COP1: variants seen among roughly 807,000 people sequenced by gnomAD.
COP1 encodes the protein COP1 E3 ubiquitin ligase.
Under a neutral mutation model 101.3 loss-of-function variants are expected in COP1, and 24 were observed. The ratio of observed to expected loss-of-function variants is 0.24; its 90% CI spans 0.17 to 0.33. The LOEUF (loss-of-function observed/expected upper bound fraction) is 0.33. Ranked by LOEUF, COP1 falls within the 10% of genes least tolerant of loss-of-function variation. The pLI is 1.00. For synonymous variants in COP1, 347 were observed against 341.9 expected (o/e 1.01, Z -0.17); for missense variants, 663 against 906.2 (o/e 0.73, Z 3.45).
chr1:176,198,763 A>G (rs1437358338), intron 1 of COP1, among the ~76,000 whole-genome samples: 2 of 152,206 alleles, frequency 1.3e-5, no homozygotes, highest in Non-Finnish European at 2.9e-5. Flanking sequence ...TTACAACGCA[A>G]GATGACATGC....
chr1:176,030,672 A>G (rs535238712), intron 14 of COP1, among the ~76,000 whole-genome samples: 2 of 152,338 alleles, frequency 1.3e-5, no homozygotes, highest in East Asian at 1.9e-4. Flanking sequence ...CTGAGCTACA[A>G]GGGTAACTAA....
At chr1:176,161,146 G>T (rs1694254196) in intron 5 of COP1, among the ~76,000 whole-genome samples, 1 of 152,000 alleles carries the variant, frequency 6.6e-6, no homozygotes, top group South Asian at 2.1e-4. Context: ...GTTACCTTTT[G>T]TCCATCTGTT....
chr1:176,136,397 C>A, intron 7 of COP1, 91 bp downstream of exon 7: 1 of 782,874 alleles, frequency 1.3e-6, no homozygotes, highest in Non-Finnish European at 2.1e-6. Flanking sequence ...AAGACCAATC[C>A]CATAAACTTA....
intron 15 of COP1, among the ~76,000 whole-genome samples, chr1:176,026,150 G>C (rs1667622980): frequency 1.3e-5 from 2 of 151,984 alleles, no homozygotes. Flanking sequence ...GATAGCGGAA[G>C]CATTTTTAAA....
rs1414660843 is a variant in COP1, at chr1:176,127,611, GTGTA to G, written c.968+7395_968+7398del. Reference sequence around the variant, plus strand: ...TGTGTATGTGTATATATGTGTGTGTGTGTATATATATATACATACAATATATGTT... The same window carrying G: ...TGTGTATGTGTATATATGTGTGTGTGTATATATATACATACAATATATGTT... On this transcript the variant is annotated intron_variant, in intron 8 of 19. Transcript: ENST00000367669. Among the ~76,000 whole-genome samples, 263 of 151,004 alleles carry G rather than the reference GTGTA, an allele frequency of 1.7e-3. 3 individuals are homozygous for G. Among genetic ancestry groups the G allele is most frequent in the African/African-American group, 6.0e-3 (246 of 41,262 alleles).
intron 5 of COP1, among the ~76,000 whole-genome samples, chr1:176,162,028 T>C (rs1249677619): frequency 6.6e-6 from 1 of 152,136 alleles, no homozygotes; most frequent in African/African-American, 2.4e-5. Flanking sequence ...TTATCCACCA[T>C]GTGATAAAAA....
At chr1:176,004,842 G>C (rs1470089447) in intron 15 of COP1, among the ~76,000 whole-genome samples, 1 of 151,340 alleles carries the variant, frequency 6.6e-6, no homozygotes, top group Non-Finnish European at 1.5e-5. Flanking sequence ...GCCCGGCTTT[G>C]GTGTCAGCAT....
chr1:176,060,224 CAAAT>C (rs1278367750), intron 11 of COP1, among the ~76,000 whole-genome samples: 1 of 152,090 alleles, frequency 6.6e-6, no homozygotes, highest in African/African-American at 2.4e-5. Flanking sequence ...ATAGCTAAAA[CAAAT>C]AAATACACTA....
At position 175,951,174 on chromosome 1, in the gene COP1, G is replaced by A. The variant is rs534281813; in HGVS notation, c.2134-3935C>T. 4.8e-3 allele frequency among the ~76,000 whole-genome samples: 737 copies of A among 152,018 alleles called. 6 individuals are homozygous for A. The highest frequency in any genetic ancestry group is 9.0e-3 in the Non-Finnish European group (610 of 67,956). ...TGAGACAGGAGAATCGCCTGAACCC[G>A]GGAGGTGGAGGCTATGGTGAGCCAA... is the stretch of plus-strand genomic sequence containing the variant. On this transcript the variant is annotated intron_variant, in intron 18 of 19. Transcript: ENST00000367669.
intron 15 of COP1, among the ~76,000 whole-genome samples, chr1:176,012,083 T>C (rs918093529): frequency 1.3e-5 from 2 of 151,972 alleles, no homozygotes; most frequent in African/African-American, 2.4e-5. Context: ...ACTTGGGAGG[T>C]TGAGGCAGGA....
At chr1:176,162,133 T>A (rs1694430329) in intron 5 of COP1, among the ~76,000 whole-genome samples, 1 of 152,220 alleles carries the variant, frequency 6.6e-6, no homozygotes, top group Non-Finnish European at 1.5e-5. Flanking sequence ...CCCTATCTCA[T>A]GTACTTGTAG....
At position 176,104,044 on chromosome 1, in the gene COP1, G is replaced by A. The variant is rs540149647; in HGVS notation, c.1026+12580C>T. On this transcript the variant is annotated intron_variant, in intron 9 of 19. Transcript: ENST00000367669. ...CAGACATTAAAACATATCATAAAGCGTCTACAATAAAGGAATGATAACAAT... is the reference window on the plus strand; with the variant it reads ...CAGACATTAAAACATATCATAAAGCATCTACAATAAAGGAATGATAACAAT... 1.0e-3 allele frequency among the ~76,000 whole-genome samples: 159 copies of A among 152,144 alleles called. 1 individual carries two copies. In the South Asian group the frequency reaches 0.027, roughly 26 times the overall value.
chr1:176,086,225 TTC>T (rs1680114097), intron 9 of COP1, among the ~76,000 whole-genome samples: 1 of 59,374 alleles, frequency 1.7e-5, no homozygotes. Context: ...TTGGGAATCT[TTC>T]TTTTTTTTTT....
At chr1:176,035,119 G>A (rs2149117363) in intron 14 of COP1, among the ~76,000 whole-genome samples, 1 of 152,230 alleles carries the variant, frequency 6.6e-6, no homozygotes, top group East Asian at 1.9e-4. Flanking sequence ...TCAGTCCTAA[G>A]GTTTAGATGT....
In COP1 at chr1:175,989,450, T is replaced by TA; in HGVS notation, c.1758dup (p.Asn587Ter). 1 of 1,602,626 alleles carries TA rather than the reference T, an allele frequency of 6.2e-7. No homozygotes were observed. The highest frequency in any genetic ancestry group is 8.6e-7 in the Non-Finnish European group (1 of 1,169,574). ...AATACCATGATTGGCTGTTTAGTGT[T>TA]ACGAAGATCATAGTAGTGGACACAG... is the stretch of plus-strand genomic sequence containing the variant. On this transcript the variant is annotated frameshift_variant, in exon 16 of 20. Coordinates refer to ENST00000367669, the MANE Select transcript of COP1 (RefSeq NM_022457.7). LOFTEE classifies it high-confidence loss of function.
chr1:176,021,281 C>T (rs116611013), intron 15 of COP1, among the ~76,000 whole-genome samples: 79 of 152,276 alleles, frequency 5.2e-4, no homozygotes, highest in African/African-American at 1.9e-3. Context: ...TAAAATCCAG[C>T]ATGCCCACAC....
chr1:176,058,404 T>C (rs1027907435), intron 11 of COP1, among the ~76,000 whole-genome samples: 1 of 152,130 alleles, frequency 6.6e-6, no homozygotes, highest in Non-Finnish European at 1.5e-5. Context: ...TGGGAGACTT[T>C]TCATTTTGCT....
intron 9 of COP1, among the ~76,000 whole-genome samples, chr1:176,115,373 C>T (rs923631597): frequency 6.6e-6 from 1 of 152,096 alleles, no homozygotes; most frequent in African/African-American, 2.4e-5. Context: ...TCGCTTGAAC[C>T]CAGAAGGCAG....
Position 176,207,170 on chromosome 1 carries a change from G to A in COP1, c.-192C>T, listed in dbSNP as rs1327064393. On this transcript the variant is annotated 5_prime_UTR_variant, in exon 1 of 20. Coordinates refer to ENST00000367669, the MANE Select transcript of COP1 (RefSeq NM_022457.7). ...ACAGCGTCCCACGGGAGGGGGCGGA[G>A]GAAACTAAAAAAGCGGAGTAGAAGG... 2 of 438,160 alleles carry A rather than the reference G, an allele frequency of 4.6e-6. No homozygotes were observed. Among genetic ancestry groups the A allele is most frequent in the Admixed American group, 8.8e-5 (2 of 22,762 alleles). The allele number at this position is 438,160 out of a possible 1,614,324, so 27.1% of individuals were successfully genotyped here. A position where few individuals can be genotyped will look rare whatever the true frequency, so the allele number is the denominator to read the frequency against.
Sources: gnomAD v4.1 joint callset for allele counts (sites outside exome capture counted in the v4.1 genomes callset) on GRCh38, gnomAD v4.1.1 for gene constraint, MANE v1.5 for transcripts, NCBI Gene and HGNC (gene_info 2026-07-23, HGNC 2026-07-21) for gene names.